FAT3: variants seen among roughly 807,000 people sequenced by gnomAD.
FAT3 encodes protocadherin Fat 3.
FAT3 carries 95 observed loss-of-function variants against 310.2 expected under a neutral mutation model. The ratio of observed to expected loss-of-function variants is 0.31; its 90% confidence interval spans 0.26 to 0.36. FAT3 has a LOEUF of 0.36. Ranked by LOEUF, FAT3 falls within the 10% of genes least tolerant of loss-of-function variation. The pLI is 1.00. For synonymous variants in FAT3, 2,314 were observed against 2,192.9 expected (o/e 1.06, Z -1.54); for missense variants, 5,408 against 5,715.6 (o/e 0.95, Z 1.74).
chr11:92,367,915 G>T (rs1344730114), intron 2 of FAT3, among the ~76,000 whole-genome samples: 1 of 152,206 alleles, frequency 6.6e-6, no homozygotes, highest in Non-Finnish European at 1.5e-5. Flanking sequence ...TCCCAGTTTT[G>T]TGGGGCTTGA....
At chr11:92,355,734 G>A (rs1046669199) in intron 2 of FAT3, among the ~76,000 whole-genome samples, 1 of 152,122 alleles carries the variant, frequency 6.6e-6, no homozygotes, top group African/African-American at 2.4e-5. Flanking sequence ...TCTAAATGAA[G>A]GACTCTGATA....
intron 2 of FAT3, among the ~76,000 whole-genome samples, chr11:92,507,059 GT>G (rs1240120872): frequency 3.9e-5 from 6 of 152,150 alleles, no homozygotes; most frequent in African/African-American, 1.4e-4. Flanking sequence ...GAATTCTTCT[GT>G]TTTCTTGTCA....
intron 1 of FAT3, among the ~76,000 whole-genome samples, chr11:92,312,194 G>T (rs374747038): frequency 6.6e-6 from 1 of 151,514 alleles, no homozygotes; most frequent in Non-Finnish European, 1.5e-5. Context: ...AATAATGCAG[G>T]CTCCAGCTAC....
rs1949914580 is a variant in FAT3 at position 92,891,321 on chromosome 11, A to T, written c.*208A>T. ...GAAAGGCTCAGAAATTGTTTTTGAGAGGTGACTGGTAATCCTTGATGTAGG... is the reference window on the plus strand; with the variant it reads ...GAAAGGCTCAGAAATTGTTTTTGAGTGGTGACTGGTAATCCTTGATGTAGG... On this transcript the variant is annotated 3_prime_UTR_variant, in exon 28 of 28. Coordinates refer to ENST00000525166, the MANE Select transcript of FAT3 (RefSeq NM_001367949.2). The T allele has an allele frequency of 1.5e-6, 1 of 682,104 alleles. No individual in the cohort carries two copies. The highest frequency in any genetic ancestry group is 3.0e-5 in the Admixed American group (1 of 33,570). 42.3% of individuals were successfully genotyped at this position (682,104 alleles called of 1,614,324 possible).
At chr11:92,510,790 C>T (rs1953264726) in intron 2 of FAT3, among the ~76,000 whole-genome samples, 1 of 152,240 alleles carries the variant, frequency 6.6e-6, no homozygotes, top group African/African-American at 2.4e-5. Flanking sequence ...CTCCAACTTA[C>T]AGCCTTGAGA....
intron 6 of FAT3, among the ~76,000 whole-genome samples, chr11:92,773,255 C>T (rs113247652): frequency 0.013 from 1,985 of 152,250 alleles, 23 homozygotes; most frequent in Non-Finnish European, 0.021. Context: ...GCAAATCACT[C>T]ACAGACTGTG....
intron 1 of FAT3, among the ~76,000 whole-genome samples, chr11:92,244,655 T>C (rs950164721): frequency 6.6e-6 from 1 of 152,136 alleles, no homozygotes; most frequent in African/African-American, 2.4e-5. Context: ...TCAGAATCAC[T>C]TGAAGCATTT....
In FAT3 at chr11:92,801,245, T is replaced by C. The variant is rs1280801572; in HGVS notation, c.8232T>C (p.Asn2744=). Residue 2744 remains asparagine, a synonymous_variant, in exon 10 of 28, where the codon AAT becomes AAC. Coordinates refer to ENST00000525166, the MANE Select transcript of FAT3 (RefSeq NM_001367949.2). ...AGAATGTCTGGTTCAGCACAGTTAA[T>C]GGGGAACGGCCAGAAAATAACAAAG... is the stretch of plus-strand genomic sequence containing the variant. ...PSQNVWFSTV[N]GERPENNKGG... is the part of the protein sequence containing the mutation. 2 of 1,613,702 alleles carry C rather than the reference T, an allele frequency of 1.2e-6. No homozygotes were observed. The highest frequency in any genetic ancestry group is 8.5e-7 in the Non-Finnish European group (1 of 1,179,852).
chr11:92,714,048 C>T (rs1386933646), intron 4 of FAT3, among the ~76,000 whole-genome samples: 3 of 152,130 alleles, frequency 2.0e-5, no homozygotes, highest in East Asian at 1.9e-4. Flanking sequence ...CTAGTTACAG[C>T]GTCTATTCCT....
At chr11:92,476,776 CTCTGTA>C (rs1305708462) in intron 2 of FAT3, among the ~76,000 whole-genome samples, 1 of 152,160 alleles carries the variant, frequency 6.6e-6, no homozygotes, top group Admixed American at 6.5e-5. Context: ...ACTATGAATA[CTCTGTA>C]TTAGAGGATC....
intron 2 of FAT3, among the ~76,000 whole-genome samples, chr11:92,370,004 C>G (rs1949142385): frequency 6.6e-6 from 1 of 152,096 alleles, no homozygotes; most frequent in Non-Finnish European, 1.5e-5. Context: ...AACAATATAC[C>G]AGTATCCAGG....
chr11:92,271,877 T>C (rs1946131821), intron 1 of FAT3, among the ~76,000 whole-genome samples: 1 of 152,202 alleles, frequency 6.6e-6, no homozygotes, highest in Non-Finnish European at 1.5e-5. Context: ...ATTTACTTTA[T>C]GTTGCAAAAC....
At chr11:92,337,607 T>C (rs1394427724) in intron 1 of FAT3, among the ~76,000 whole-genome samples, 1 of 152,196 alleles carries the variant, frequency 6.6e-6, no homozygotes, top group Non-Finnish European at 1.5e-5. Context: ...AATTTTTGTA[T>C]TTTTAGTAGA....
At chr11:92,462,888 A>T (rs966339912) in intron 2 of FAT3, among the ~76,000 whole-genome samples, 6 of 152,248 alleles carry the variant, frequency 3.9e-5, no homozygotes, top group African/African-American at 1.4e-4. Flanking sequence ...TCTGTCTCAG[A>T]GAGAAATCTC....
In FAT3 at chr11:92,298,597, T is replaced by C. The variant is rs367795345; in HGVS notation, c.-17-53499T>C. Among the ~76,000 whole-genome samples, 14 of 152,268 alleles carry C rather than the reference T, an allele frequency of 9.2e-5. No individual in the cohort carries two copies. In the East Asian group the frequency reaches 2.1e-3, roughly 23 times the overall value. On this transcript the variant is annotated intron_variant, in intron 1 of 27. Coordinates refer to ENST00000525166, the MANE Select transcript of FAT3 (RefSeq NM_001367949.2). ...TGAAGTCTCATGCTTTCTGTGCTGGTTTGGGTCTTTGGTTCAGCATCTCTG... is the reference window on the plus strand; with the variant it reads ...TGAAGTCTCATGCTTTCTGTGCTGGCTTGGGTCTTTGGTTCAGCATCTCTG...
chr11:92,771,595 TGA>T (rs1454944023), intron 6 of FAT3, among the ~76,000 whole-genome samples: 1 of 152,156 alleles, frequency 6.6e-6, no homozygotes, highest in Non-Finnish European at 1.5e-5. Context: ...ATTGGTAAGC[TGA>T]GAGACATAGT....
intron 4 of FAT3, among the ~76,000 whole-genome samples, chr11:92,698,354 C>T (rs1007953784): frequency 1.3e-5 from 2 of 152,166 alleles, no homozygotes; most frequent in Admixed American, 6.5e-5. Context: ...AATTAGCTCA[C>T]CAGTCATGAT....
intron 19 of FAT3, 103 bp downstream of exon 19, chr11:92,844,835 A>G: frequency 7.7e-7 from 1 of 1,290,754 alleles, no homozygotes; most frequent in South Asian, 1.6e-5. Context: ...TCAACTAAAT[A>G]TTAAATGATC....
chr11:92,308,581 C>A (rs1174433844), intron 1 of FAT3, among the ~76,000 whole-genome samples: 3 of 152,072 alleles, frequency 2.0e-5, no homozygotes, highest in Non-Finnish European at 2.9e-5. Context: ...CAATCATTTG[C>A]CAAAACACTA....
Sources: gnomAD v4.1 joint callset for allele counts (sites outside exome capture counted in the v4.1 genomes callset) on GRCh38, gnomAD v4.1.1 for gene constraint, MANE v1.5 for transcripts, NCBI Gene and HGNC (gene_info 2026-07-23, HGNC 2026-07-21) for gene names.